The following SAMD4A variants were observed in gnomAD, a reference collection of about 807,000 sequenced individuals.
The protein encoded by SAMD4A is sterile alpha motif domain containing 4A.
SAMD4A carries 33 observed loss-of-function variants against 81.3 expected under a neutral mutation model. The observed-to-expected ratio is 0.41, with a 90% CI of 0.31 to 0.54. The LOEUF is 0.54. Among genes scored for constraint, SAMD4A ranks in the 20% least tolerant of loss-of-function variants. The pLI, the probability that SAMD4A is intolerant of heterozygous loss-of-function variation, is 0.37. For synonymous variants in SAMD4A, 389 were observed against 382.1 expected, an observed-to-expected ratio of 1.02 and a Z score of -0.21; for missense variants, 854 against 951.1, an observed-to-expected ratio of 0.90 and a Z score of 1.34.
chr14:54,764,925 G>T (rs1029099786), intron 8 of SAMD4A, among the ~76,000 whole-genome samples: 1 of 152,240 alleles, frequency 6.6e-6, no homozygotes, highest in Non-Finnish European at 1.5e-5. Context: ...GAACTGGAGA[G>T]AGGAAGGGAG....
At chr14:54,568,219 G>A (rs1191811032) in intron 2 of SAMD4A, 107 bp downstream of exon 2, 24 of 1,092,430 alleles carry the variant, frequency 2.2e-5, no homozygotes, top group Middle Eastern at 3.1e-4. Context: ...CAGCCGCGCC[G>A]GGACCTGGAC....
At chr14:54,733,200 A>T (rs1324465626) in intron 3 of SAMD4A, among the ~76,000 whole-genome samples, 1 of 152,172 alleles carries the variant, frequency 6.6e-6, no homozygotes, top group Non-Finnish European at 1.5e-5. Flanking sequence ...CTGTAGCAAG[A>T]TTACTTTTAA....
At chr14:54,702,873 G>T (rs1455828624) in intron 3 of SAMD4A, 5 of 362,750 alleles carry the variant, frequency 1.4e-5, no homozygotes, top group East Asian at 9.3e-5. Flanking sequence ...TCCACAATCA[G>T]AAATGCATTT....
In SAMD4A at chr14:54,571,725, C is replaced by G. The variant is rs1220621677; in HGVS notation, c.196+3613C>G. Among the ~76,000 whole-genome samples the G allele has an allele frequency of 7.2e-5, 11 of 152,226 alleles. 1 individual carries two copies. The East Asian group carries it at 1.9e-3, about 27-fold the overall frequency. ...AAAAAATAATTGTGGAGCTTGAAGA[C>G]TCTCTCTCAGAATGTAATTACTCTT... On this transcript the variant is annotated intron_variant, in intron 2 of 12. Coordinates refer to ENST00000554335, the MANE Select transcript of SAMD4A (RefSeq NM_015589.6).
intron 2 of SAMD4A, among the ~76,000 whole-genome samples, chr14:54,606,213 G>GCA (rs1555335557): frequency 2.8e-5 from 4 of 144,416 alleles, no homozygotes; most frequent in African/African-American, 1.1e-4. Flanking sequence ...GTGTGTGTGT[G>GCA]CGTGCACGTG....
At chr14:54,664,331 A>C (rs957965655) in intron 2 of SAMD4A, among the ~76,000 whole-genome samples, 1 of 152,166 alleles carries the variant, frequency 6.6e-6, no homozygotes, top group African/African-American at 2.4e-5. Flanking sequence ...ATGAGTATAC[A>C]CTTATAGTTT....
chr14:54,680,010 A>C (rs2036092302), intron 2 of SAMD4A, among the ~76,000 whole-genome samples: 1 of 152,234 alleles, frequency 6.6e-6, no homozygotes, highest in South Asian at 2.1e-4. Flanking sequence ...GAAAAGATGG[A>C]GCATGTGTGC....
Position 54,702,374 on chromosome 14 carries a change from A to T in SAMD4A, c.509A>T (p.Asp170Val), listed in dbSNP as rs775007435. The T allele has an allele frequency of 5.0e-6, 8 of 1,614,042 alleles. No homozygotes were observed. The highest frequency in any genetic ancestry group is 1.7e-6 in the Non-Finnish European group (2 of 1,180,004). Reference sequence around the variant, plus strand: ...AACCGAGGCCGCTCAGACTCTGTGGATTATGGACAGACACACTACTATCAC... The same window carrying T: ...AACCGAGGCCGCTCAGACTCTGTGGTTTATGGACAGACACACTACTATCAC... ...GQNRGRSDSVDYGQTHYYHQR... is the reference protein window; with the variant it reads ...GQNRGRSDSVVYGQTHYYHQR... Residue 170 changes from aspartate to valine, a missense_variant, in exon 3 of 13, where the codon GAT becomes GTT. Transcript: ENST00000554335.
chr14:54,785,234 C>G (rs1449614431), intron 12 of SAMD4A, among the ~76,000 whole-genome samples: 1 of 152,230 alleles, frequency 6.6e-6, no homozygotes, highest in East Asian at 1.9e-4. Context: ...CTGCCCAAGC[C>G]CAGAATGGGG....
chr14:54,623,483 CAAAAAAAAAAAAAAAAA>C (rs59768858), intron 2 of SAMD4A, among the ~76,000 whole-genome samples: 2 of 45,964 alleles, frequency 4.4e-5, no homozygotes, highest in East Asian at 6.6e-4. Flanking sequence ...TGGACATCAG[CAAAAAAAAAAAAAAAAA>C]AAAAAAAAAA....
chr14:54,776,015 T>TAAAA lies in SAMD4A; in HGVS notation c.1918-375_1918-372dup, dbSNP rs10539223. 1.6e-3 allele frequency among the ~76,000 whole-genome samples: 142 copies of TAAAA among 89,836 alleles called. 2 individuals carry two copies. The highest frequency in any genetic ancestry group is 6.0e-3 in the African/African-American group (124 of 20,714). 58.9% of individuals were successfully genotyped at this position (89,836 alleles called of 152,430 possible). Reference sequence around the variant, plus strand: ...GCTTTGGAGTACATTGTAAGAATCTTAAAAAAAAAAAAAAAAAAAAAAAAA... The same window carrying TAAAA: ...GCTTTGGAGTACATTGTAAGAATCTTAAAAAAAAAAAAAAAAAAAAAAAAAAAAA... On this transcript the variant is annotated intron_variant, in intron 10 of 12. Coordinates refer to ENST00000554335, the MANE Select transcript of SAMD4A (RefSeq NM_015589.6).
At chr14:54,701,646 GCAGCCTCACCCC>G (rs2036719874) in intron 2 of SAMD4A, among the ~76,000 whole-genome samples, 1 of 152,202 alleles carries the variant, frequency 6.6e-6, no homozygotes, top group African/African-American at 2.4e-5. Context: ...GGGAGGTGAA[GCAGCCTCACCCC>G]CAGGACTCTG....
At chr14:54,761,815 G>A (rs1030190558) in intron 7 of SAMD4A, among the ~76,000 whole-genome samples, 1 of 152,198 alleles carries the variant, frequency 6.6e-6, no homozygotes, top group Non-Finnish European at 1.5e-5. Context: ...GATCCACTGG[G>A]CTGGGTGAGG....
chr14:54,735,218 T>C (rs935840259), intron 3 of SAMD4A: 1 of 151,886 alleles, frequency 6.6e-6, no homozygotes. Flanking sequence ...TCGTTTTTTT[T>C]TTTTTCTTTC....
intron 2 of SAMD4A, among the ~76,000 whole-genome samples, chr14:54,634,320 T>G (rs948984443): frequency 6.7e-6 from 1 of 148,668 alleles, no homozygotes; most frequent in African/African-American, 2.5e-5. Flanking sequence ...TACTGTTGAA[T>G]AAAATGAATG....
At chr14:54,715,261 G>A (rs1194123624) in intron 3 of SAMD4A, among the ~76,000 whole-genome samples, 1 of 152,076 alleles carries the variant, frequency 6.6e-6, no homozygotes, top group Non-Finnish European at 1.5e-5. Flanking sequence ...AACTCACGGG[G>A]ATTCTCACTT....
chr14:54,760,032 A>G, intron 6 of SAMD4A, 129 bp from the exon 7 acceptor site: 1 of 914,464 alleles, frequency 1.1e-6, no homozygotes, highest in Non-Finnish European at 1.7e-6. Flanking sequence ...CCCTTTTCCC[A>G]AAAACGTCCT....
intron 8 of SAMD4A, among the ~76,000 whole-genome samples, chr14:54,764,953 AAAT>A (rs1254592310): frequency 1.3e-5 from 2 of 152,236 alleles, no homozygotes; most frequent in Non-Finnish European, 2.9e-5. Flanking sequence ...GCCCATAAAG[AAAT>A]AATGAATGTG....
chr14:54,747,271 A>G (rs1052200566), intron 4 of SAMD4A, among the ~76,000 whole-genome samples: 2 of 152,242 alleles, frequency 1.3e-5, no homozygotes, highest in Non-Finnish European at 1.5e-5. Flanking sequence ...TCCAATTTCA[A>G]TTCTCCAGAA....
Sources: gnomAD v4.1 joint callset for allele counts (sites outside exome capture counted in the v4.1 genomes callset) on GRCh38, gnomAD v4.1.1 for gene constraint, MANE v1.5 for transcripts, NCBI Gene and HGNC (gene_info 2026-07-23, HGNC 2026-07-21) for gene names.